ZC3H13: variants seen among roughly 807,000 people sequenced by gnomAD.
The protein encoded by ZC3H13 is zinc finger CCCH domain-containing protein 13.
A neutral mutation model predicts 204.1 loss-of-function variants in ZC3H13; 64 were observed. The ratio of observed to expected loss-of-function variants is 0.31; its 90% CI spans 0.26 to 0.39. The LOEUF is 0.39. Among genes scored for constraint, ZC3H13 ranks in the 10% least tolerant of loss-of-function variants. ZC3H13 has a pLI of 1.00. For missense variants in ZC3H13, 1,833 were observed against 2,082.7 expected (o/e 0.88, Z 2.33); for synonymous variants, 667 against 693.7 (o/e 0.96, Z 0.60).
intron 5 of ZC3H13, among the ~76,000 whole-genome samples, chr13:46,016,214 C>T (rs901492337): frequency 3.3e-5 from 5 of 152,180 alleles, no homozygotes; most frequent in Admixed American, 2.0e-4. Context: ...AATTCCACTT[C>T]GAACCATAAA....
intron 1 of ZC3H13, among the ~76,000 whole-genome samples, chr13:46,049,166 AAAG>A (rs1436964039): frequency 3.9e-5 from 6 of 151,972 alleles, no homozygotes; most frequent in Non-Finnish European, 8.8e-5. Flanking sequence ...AAAAAAAAAA[AAAG>A]ATGTACTCTA....
rs2041916048 is a variant in ZC3H13, at chr13:46,016,484, G to C, written c.448+3965C>G. ...ACAAAAGAAGCTAGGCACAAAAAGA[G>C]TACATGCTGTCAATTCCATTTATAT... On this transcript the variant is annotated intron_variant, in intron 5 of 18. Transcript: ENST00000679008. Among the ~76,000 whole-genome samples the C allele has an allele frequency of 3.3e-5, 5 of 152,162 alleles. No individual in the cohort carries two copies. The South Asian group carries it at 1.0e-3, about 31-fold the overall frequency.
At position 46,010,509 on chromosome 13, in the gene ZC3H13, T is replaced by C; in HGVS notation, c.589-4A>G. The C allele has an allele frequency of 3.7e-6, 6 of 1,603,968 alleles. No individual in the cohort carries two copies. Among genetic ancestry groups the C allele is most frequent in the Non-Finnish European group, 5.1e-6 (6 of 1,172,382 alleles). On this transcript the variant is annotated splice_region_variant and splice_polypyrimidine_tract_variant and intron_variant, in intron 6 of 18. Coordinates refer to ENST00000679008, the MANE Select transcript of ZC3H13 (RefSeq NM_001330564.2). The stretch of plus-strand genomic sequence containing the variant: ...ATCTAACCACTTCTGGTGAAACCTT[T>C]AAAAAAATTCAGTAAGTCAATTCAG...
chr13:45,954,669 C>A lies in ZC3H13; in HGVS notation c.*2458G>T, dbSNP rs1951193452. ...AGTTGAGGTGTAAAAGCATCACCAA[C>A]AATAGTATGTACCTTAATCTTTACA... On this transcript the variant is annotated 3_prime_UTR_variant, in exon 19 of 19. Transcript: ENST00000679008. The A allele has an allele frequency of 6.6e-6, 1 of 152,158 alleles. No homozygotes were observed. The highest frequency in any genetic ancestry group is 1.5e-5 in the Non-Finnish European group (1 of 68,016). The allele number at this position is 152,158 out of a possible 1,614,324, so 9.4% of individuals were successfully genotyped here.
chr13:45,965,528 T>C (rs1952010865), intron 15 of ZC3H13, 96 bp from the exon 16 acceptor site: 1 of 1,143,252 alleles, frequency 8.7e-7, no homozygotes, highest in Non-Finnish European at 1.2e-6. Flanking sequence ...ATTATAACAA[T>C]GTGAAAAACA....
Position 45,970,434 on chromosome 13 carries a change from G to T in ZC3H13, c.2500C>A (p.Pro834Thr). The T allele has an allele frequency of 6.2e-7, 1 of 1,613,702 alleles. No homozygotes were observed. Residue 834 changes from proline (P) to threonine (T), a missense_variant, in exon 13 of 19, where the codon CCT (proline) becomes ACT (threonine). Pro to Thr is a conservative substitution (Grantham distance 38, BLOSUM62 -1). Transcript: ENST00000679008. Reference sequence around the variant, plus strand: ...CGCCGGCGCTTCGGGGACTGTCTAGGGCTGGGACTCCCTTCATTTCTATAG... The same window carrying T: ...CGCCGGCGCTTCGGGGACTGTCTAGTGCTGGGACTCCCTTCATTTCTATAG... ...KRYRNEGSPS[P>T]RQSPKRRREH... is the part of the protein sequence containing the mutation.
chr13:46,030,111 G>A (rs1451363194), intron 4 of ZC3H13, among the ~76,000 whole-genome samples: 1 of 152,094 alleles, frequency 6.6e-6, no homozygotes, highest in African/African-American at 2.4e-5. Flanking sequence ...CACATCAAGA[G>A]ACTAACAAAG....
intron 5 of ZC3H13, among the ~76,000 whole-genome samples, chr13:46,012,976 G>A (rs528689566): frequency 1.3e-5 from 2 of 152,298 alleles, no homozygotes; most frequent in South Asian, 4.1e-4. Context: ...TGACGGTACT[G>A]TATTATCAGT....
chr13:45,987,095 C>T (rs543769079), intron 9 of ZC3H13, among the ~76,000 whole-genome samples: 30 of 152,152 alleles, frequency 2.0e-4, no homozygotes, highest in African/African-American at 7.2e-4. Flanking sequence ...TCTCATGATG[C>T]GCCCATCTGT....
intron 4 of ZC3H13, among the ~76,000 whole-genome samples, chr13:46,027,696 TA>T (rs2042624113): frequency 6.6e-6 from 1 of 152,228 alleles, no homozygotes; most frequent in Admixed American, 6.5e-5. Flanking sequence ...AATATTTTGT[TA>T]TTATCTGTAT....
chr13:46,030,821 T>C (rs970939130), intron 4 of ZC3H13, among the ~76,000 whole-genome samples: 2 of 151,836 alleles, frequency 1.3e-5, no homozygotes, highest in Non-Finnish European at 2.9e-5. Flanking sequence ...AAATGAAGAG[T>C]TATTCCATGC....
intron 11 of ZC3H13, among the ~76,000 whole-genome samples, chr13:45,978,481 A>C (rs1953256877): frequency 6.6e-6 from 1 of 152,092 alleles, no homozygotes; most frequent in Non-Finnish European, 1.5e-5. Flanking sequence ...ACTTCTCTAT[A>C]ATATTGTAAT....
At chr13:46,010,819 G>A (rs2041505692) in intron 6 of ZC3H13, among the ~76,000 whole-genome samples, 1 of 151,792 alleles carries the variant, frequency 6.6e-6, no homozygotes, top group South Asian at 2.1e-4. Flanking sequence ...TTGAGCCCAG[G>A]AGTTCAAGGC....
At chr13:46,033,778 A>C (rs1305773437) in intron 4 of ZC3H13, among the ~76,000 whole-genome samples, 1 of 152,148 alleles carries the variant, frequency 6.6e-6, no homozygotes, top group Non-Finnish European at 1.5e-5. Flanking sequence ...GAAACAAAGA[A>C]ACTACAGAGG....
chr13:45,970,355 T>G lies in ZC3H13; in HGVS notation c.2572+7A>C, dbSNP rs1434139541. 1.2e-6 allele frequency: 2 copies of G among 1,613,110 alleles called. No homozygotes were observed. Among genetic ancestry groups the G allele is most frequent in the Non-Finnish European group, 1.7e-6 (2 of 1,179,290 alleles). ...ATATAGAGAGACAGAAAACAGAGTCTGCTTACTTTTATCATCTCCACTGTT... is the reference window on the plus strand; with the variant it reads ...ATATAGAGAGACAGAAAACAGAGTCGGCTTACTTTTATCATCTCCACTGTT... On this transcript the variant is annotated splice_region_variant and intron_variant, in intron 13 of 18. Coordinates refer to ENST00000679008, the MANE Select transcript of ZC3H13 (RefSeq NM_001330564.2).
chr13:46,011,860 A>G (rs1438362495), intron 5 of ZC3H13, among the ~76,000 whole-genome samples: 2 of 152,172 alleles, frequency 1.3e-5, no homozygotes, highest in Non-Finnish European at 2.9e-5. Flanking sequence ...AAATGCACTC[A>G]GCTGAATTTC....
At position 45,968,020 on chromosome 13, in the gene ZC3H13, C is replaced by T; in HGVS notation, c.3805G>A (p.Asp1269Asn). 1 of 1,585,860 alleles carries T rather than the reference C, an allele frequency of 6.3e-7. No individual in the cohort carries two copies. Among genetic ancestry groups the T allele is most frequent in the Non-Finnish European group, 8.5e-7 (1 of 1,170,164 alleles). Residue 1269 changes from aspartate to asparagine, a missense_variant, in exon 15 of 19, where the codon GAT (aspartate) becomes AAT (asparagine). Physicochemically the swap from Asp to Asn is conservative, Grantham distance 23. This residue lies in a region of ZC3H13 where 1,574 missense variants were observed against 1,757.2 expected (regional missense o/e 0.90). Transcript: ENST00000679008. ...CTTCTTGAACTATGGCTTCTTGAAT[C>T]CTGGCGATCTAAAATAAATATACCA... Reference protein sequence around the residue: ...PSRSTSSDRQDSRSHSSRRSS... With the variant: ...PSRSTSSDRQNSRSHSSRRSS...
At chr13:46,050,441 T>C (rs1252436071) in intron 1 of ZC3H13, among the ~76,000 whole-genome samples, 1 of 152,146 alleles carries the variant, frequency 6.6e-6, no homozygotes, top group Non-Finnish European at 1.5e-5. Context: ...AGTGAAAGCA[T>C]AACACTTTAA....
intron 10 of ZC3H13, among the ~76,000 whole-genome samples, chr13:45,983,499 T>A (rs1319065862): frequency 7.8e-6 from 1 of 128,338 alleles, no homozygotes; most frequent in Non-Finnish European, 1.6e-5. Flanking sequence ...CTATCCCGGC[T>A]CACTGCAAGC....
Sources: gnomAD v4.1 joint callset for allele counts (sites outside exome capture counted in the v4.1 genomes callset) on GRCh38, gnomAD v4.1.1 for gene constraint, gnomAD v4.1.1 regional missense constraint, MANE v1.5 for transcripts, NCBI Gene and HGNC (gene_info 2026-07-23, HGNC 2026-07-21) for gene names.